The following DCUN1D4 variants were observed in gnomAD, a reference collection of about 807,000 sequenced individuals.
DCUN1D4 encodes the protein DCN1-like protein 4.
A neutral mutation model predicts 47.9 loss-of-function variants in DCUN1D4; 22 were observed. That is an observed-to-expected ratio of 0.46 (90% CI 0.33 to 0.66). The LOEUF (loss-of-function observed/expected upper bound fraction) is 0.66, where lower values mean the gene tolerates loss of function less well. Among genes scored for constraint, DCUN1D4 ranks in the 30% least tolerant of loss-of-function variants. DCUN1D4 has a pLI of 0.02. For missense variants in DCUN1D4, 301 were observed against 340.8 expected (o/e 0.88, Z 0.92); for synonymous variants, 121 against 112.2 (o/e 1.08, Z -0.50).
At chr4:51,898,885 A>G (rs1560510088) in intron 7 of DCUN1D4, among the ~76,000 whole-genome samples, 1 of 152,252 alleles carries the variant, frequency 6.6e-6, no homozygotes, top group Non-Finnish European at 1.5e-5. Flanking sequence ...GGAAATTTGC[A>G]GGTGGTTGTA....
At chr4:51,892,167 G>A (rs1730531765) in intron 7 of DCUN1D4, among the ~76,000 whole-genome samples, 1 of 152,184 alleles carries the variant, frequency 6.6e-6, no homozygotes, top group African/African-American at 2.4e-5. Flanking sequence ...TTTTTTAATA[G>A]CTACATGTAA....
rs1261412509 is a variant in DCUN1D4 at position 51,860,202 on chromosome 4, TC to T, written c.26-3233del. 1.4e-4 allele frequency among the ~76,000 whole-genome samples: 21 copies of T among 152,328 alleles called. No homozygotes were observed. In the East Asian group the frequency reaches 4.0e-3, roughly 29 times the overall value. Reference sequence around the variant, plus strand: ...TATCCATGTTACTGGTTTCATTTCTTCCTTTTTCTTTTTTCTTTTTTTAGTT... The same window carrying T: ...TATCCATGTTACTGGTTTCATTTCTTCTTTTTCTTTTTTCTTTTTTTAGTT... On this transcript the variant is annotated intron_variant, in intron 1 of 10. Transcript: ENST00000334635.
chr4:51,880,798 C>T (rs562538329), intron 5 of DCUN1D4, among the ~76,000 whole-genome samples: 1 of 152,130 alleles, frequency 6.6e-6, no homozygotes, highest in East Asian at 1.9e-4. Context: ...TTATTTAGAC[C>T]TTGATCTGAA....
At chr4:51,840,747 TG>T (rs1173324563), upstream of DCUN1D4, among the ~76,000 whole-genome samples, 2 of 152,202 alleles carry the variant, frequency 1.3e-5, no homozygotes, top group Admixed American at 1.3e-4. Context: ...TTATATGGTG[TG>T]GATTATTTAA....
At chr4:51,871,132 T>TAAAAA in intron 3 of DCUN1D4, among the ~76,000 whole-genome samples, 1 of 139,362 alleles carries the variant, frequency 7.2e-6, no homozygotes, top group Non-Finnish European at 1.6e-5. Context: ...GTGGAGAGAT[T>TAAAAA]AAAAAAAAAA....
chr4:51,903,970 CTT>C (rs1266453041), intron 8 of DCUN1D4, among the ~76,000 whole-genome samples: 1 of 151,588 alleles, frequency 6.6e-6, no homozygotes, highest in East Asian at 1.9e-4. Flanking sequence ...TTCTGTGTCT[CTT>C]TCTGTTGGTT....
intron 4 of DCUN1D4, chr4:51,877,522 ATTAT>A (rs2109995719): frequency 3.2e-6 from 1 of 309,384 alleles, no homozygotes; most frequent in East Asian, 6.5e-5. Context: ...GTTCTTACTG[ATTAT>A]TTGTTAATCA....
In DCUN1D4 at chr4:51,916,738, T is replaced by C. The variant is rs1210488549; in HGVS notation, c.*3154T>C. On this transcript the variant is annotated 3_prime_UTR_variant, in exon 11 of 11. Transcript: ENST00000334635. ...TCCCAGCTTAACTGAAATACTGTTA[T>C]GCCACCTAACTTGAGTACAGCAAAC... 2.6e-5 allele frequency: 4 copies of C among 152,588 alleles called. No individual in the cohort carries two copies. The highest frequency in any genetic ancestry group is 1.3e-4 in the Admixed American group (2 of 15,264). The allele number at this position is 152,588 out of a possible 1,614,324, so 9.5% of individuals were successfully genotyped here.
intron 6 of DCUN1D4, 94 bp downstream of exon 6, chr4:51,886,732 G>A (rs1365349527): frequency 3.1e-5 from 33 of 1,062,466 alleles, no homozygotes; most frequent in Non-Finnish European, 4.5e-5. Flanking sequence ...TTAAAAAGTA[G>A]TGGTATGTTA....
At chr4:51,851,153 T>A (rs1431442131) in intron 1 of DCUN1D4, among the ~76,000 whole-genome samples, 1 of 152,142 alleles carries the variant, frequency 6.6e-6, no homozygotes, top group Non-Finnish European at 1.5e-5. Flanking sequence ...ACTCAGCCAT[T>A]CAGCAAACAT....
chr4:51,899,509 A>G, intron 8 of DCUN1D4, 131 bp downstream of exon 8: 1 of 1,469,028 alleles, frequency 6.8e-7, no homozygotes, highest in Non-Finnish European at 9.0e-7. Flanking sequence ...GCTAGTTAGT[A>G]TTTCTTTCTA....
At chr4:51,877,633 A>G (rs1287439115) in intron 4 of DCUN1D4, 130 bp from the exon 5 acceptor site, 1 of 611,900 alleles carries the variant, frequency 1.6e-6, no homozygotes, top group East Asian at 2.8e-5. Flanking sequence ...TGCAGGAAAT[A>G]AAACGTTTAA....
At chr4:51,908,859 C>G (rs1367471053) in intron 8 of DCUN1D4, 28 of 455,360 alleles carry the variant, frequency 6.1e-5, no homozygotes, top group Non-Finnish European at 1.2e-4. Context: ...TGTTGGTTAT[C>G]AGTGAGATGC....
rs1214637468 is a variant in DCUN1D4 at position 51,915,251 on chromosome 4, T to C, written c.*1667T>C. ...TTTGTATGTATATACAGTGTGTGTGTATACAAAATCATGATATAGTAGAAT... is the reference window on the plus strand; with the variant it reads ...TTTGTATGTATATACAGTGTGTGTGCATACAAAATCATGATATAGTAGAAT... On this transcript the variant is annotated 3_prime_UTR_variant, in exon 11 of 11. Coordinates refer to ENST00000334635, the MANE Select transcript of DCUN1D4 (RefSeq NM_001040402.3). 1 of 152,612 alleles carries C rather than the reference T, an allele frequency of 6.6e-6. No homozygotes were observed. Among genetic ancestry groups the C allele is most frequent in the African/African-American group, 2.4e-5 (1 of 41,450 alleles). The allele number at this position is 152,612 out of a possible 1,614,324, so 9.5% of individuals were successfully genotyped here. A position where few individuals can be genotyped will look rare whatever the true frequency, so the allele number is the denominator to read the frequency against.
At chr4:51,899,207 C>T in intron 7 of DCUN1D4, 63 bp from the exon 8 acceptor site, 2 of 1,478,380 alleles carry the variant, frequency 1.4e-6, no homozygotes, top group East Asian at 2.5e-5. Context: ...TATATTACTG[C>T]CTCTATTAAA....
chr4:51,875,753 T>C (rs1294942432), intron 4 of DCUN1D4, among the ~76,000 whole-genome samples: 2 of 152,216 alleles, frequency 1.3e-5, no homozygotes, highest in Admixed American at 1.3e-4. Context: ...AAGCATGATG[T>C]TTTTGAGATT....
intron 3 of DCUN1D4, among the ~76,000 whole-genome samples, chr4:51,873,375 T>G (rs1727200067): frequency 6.6e-6 from 1 of 152,260 alleles, no homozygotes; most frequent in Non-Finnish European, 1.5e-5. Flanking sequence ...TTGAGGGCAC[T>G]TGTACCAAGG....
upstream of DCUN1D4, among the ~76,000 whole-genome samples, chr4:51,842,216 T>C (rs1721718830): frequency 6.6e-6 from 1 of 152,134 alleles, no homozygotes; most frequent in African/African-American, 2.4e-5. Context: ...TGACAGGTTT[T>C]CTTAGATGCC....
chr4:51,886,386 A>T (rs919621201), intron 5 of DCUN1D4, among the ~76,000 whole-genome samples, 182 bp from the exon 6 acceptor site: 10 of 152,248 alleles, frequency 6.6e-5, no homozygotes, highest in Non-Finnish European at 2.9e-5. Context: ...AAATGATTGT[A>T]CAAAGTAGAG....
Sources: gnomAD v4.1 joint callset for allele counts (sites outside exome capture counted in the v4.1 genomes callset) on GRCh38, gnomAD v4.1.1 for gene constraint, MANE v1.5 for transcripts, NCBI Gene and HGNC (gene_info 2026-07-23, HGNC 2026-07-21) for gene names.